The following KCNIP4 variants were observed in gnomAD, a reference collection of about 807,000 sequenced individuals.
KCNIP4 encodes the protein potassium voltage-gated channel interacting protein 4, also known as Kv channel-interacting protein 4.
KCNIP4 carries 12 observed loss-of-function variants against 34.0 expected under a neutral mutation model. That is an observed-to-expected ratio of 0.35 (90% CI 0.23 to 0.57). The LOEUF (loss-of-function observed/expected upper bound fraction) is 0.57, where lower values mean the gene tolerates loss of function less well. Among genes scored for constraint, KCNIP4 ranks in the 20% least tolerant of loss-of-function variants. The pLI is 0.83. For synonymous variants in KCNIP4, 124 were observed against 102.2 expected (o/e 1.21, Z -1.29); for missense variants, 238 against 311.7 (o/e 0.76, Z 1.78).
chr4:21,681,290 A>G (rs1465146763), intron 1 of KCNIP4, among the ~76,000 whole-genome samples: 1 of 147,212 alleles, frequency 6.8e-6, no homozygotes, highest in Non-Finnish European at 1.5e-5. Flanking sequence ...TTTTTTTTTT[A>G]AAGACAAGGC....
intron 1 of KCNIP4, among the ~76,000 whole-genome samples, chr4:21,394,125 A>G (rs1422820541): frequency 6.6e-6 from 1 of 152,216 alleles, no homozygotes; most frequent in South Asian, 2.1e-4. Flanking sequence ...AATGTTTCAG[A>G]TTCTTTCAAC....
chr4:21,914,127 T>C (rs1442393262), intron 1 of KCNIP4, among the ~76,000 whole-genome samples: 1 of 152,064 alleles, frequency 6.6e-6, no homozygotes, highest in Non-Finnish European at 1.5e-5. Flanking sequence ...TTCAAGCAGG[T>C]GAATAAATTA....
chr4:20,900,270 G>T (rs977262089), intron 1 of KCNIP4, among the ~76,000 whole-genome samples: 14 of 152,164 alleles, frequency 9.2e-5, no homozygotes, highest in Admixed American at 7.9e-4. Context: ...TATAAGTGCT[G>T]TCATATGTAA....
chr4:21,650,485 T>C (rs550174454), intron 1 of KCNIP4, among the ~76,000 whole-genome samples: 18 of 152,202 alleles, frequency 1.2e-4, no homozygotes, highest in Non-Finnish European at 2.4e-4. Flanking sequence ...TTTATGCCTC[T>C]AGCATAATTT....
chr4:21,279,299 T>C (rs1358814658), intron 1 of KCNIP4, among the ~76,000 whole-genome samples: 1 of 152,140 alleles, frequency 6.6e-6, no homozygotes, highest in African/African-American at 2.4e-5. Context: ...GTTTTCTTCT[T>C]GTGTATTTTT....
rs142022115 is a variant in KCNIP4 at position 20,848,708 on chromosome 4, T to C, written c.288+1835A>G. Among the ~76,000 whole-genome samples, 17 of 152,184 alleles carry C rather than the reference T, an allele frequency of 1.1e-4. No individual in the cohort carries two copies. In the East Asian group the frequency reaches 2.1e-3, roughly 19 times the overall value. The stretch of plus-strand genomic sequence containing the variant: ...CGGGGATGGCATTGGAATAATAACA[T>C]AGCAGCAGTCGAGGAATACAGGGAT... On this transcript the variant is annotated intron_variant, in intron 3 of 8. Coordinates refer to ENST00000382152, the MANE Select transcript of KCNIP4 (RefSeq NM_025221.6).
At chr4:21,218,261 C>T (rs923678569) in intron 1 of KCNIP4, among the ~76,000 whole-genome samples, 16 of 152,044 alleles carry the variant, frequency 1.1e-4, no homozygotes, top group East Asian at 1.9e-4. Flanking sequence ...GTGACCCACC[C>T]GCCTCGGCCT....
chr4:21,668,668 ACTTT>A (rs1355066944), intron 1 of KCNIP4, among the ~76,000 whole-genome samples: 1 of 152,088 alleles, frequency 6.6e-6, no homozygotes. Flanking sequence ...GAGAGCTAAA[ACTTT>A]CTTTGATAAT....
At chr4:21,652,166 T>C (rs1747541546) in intron 1 of KCNIP4, among the ~76,000 whole-genome samples, 1 of 152,178 alleles carries the variant, frequency 6.6e-6, no homozygotes, top group Non-Finnish European at 1.5e-5. Flanking sequence ...GATCTACCTT[T>C]TAGTGGACAA....
chr4:21,257,135 G>GC (rs1458537471), intron 1 of KCNIP4, among the ~76,000 whole-genome samples: 2 of 152,102 alleles, frequency 1.3e-5, no homozygotes, highest in African/African-American at 2.4e-5. Flanking sequence ...TGGTGCTTGA[G>GC]CACTTTCATT....
At chr4:20,835,106 C>T (rs1718879886) in intron 3 of KCNIP4, among the ~76,000 whole-genome samples, 1 of 152,176 alleles carries the variant, frequency 6.6e-6, no homozygotes, top group African/African-American at 2.4e-5. Flanking sequence ...ACAGTCACCT[C>T]TCTGTCCTTA....
intron 1 of KCNIP4, among the ~76,000 whole-genome samples, chr4:21,190,449 A>C (rs1577859676): frequency 9.0e-6 from 1 of 110,854 alleles, no homozygotes; most frequent in Non-Finnish European, 1.7e-5. Flanking sequence ...TGTGTGCCAC[A>C]CCTCCCTTAC....
chr4:21,305,010 C>T (rs1712290749), intron 1 of KCNIP4, among the ~76,000 whole-genome samples: 1 of 151,920 alleles, frequency 6.6e-6, no homozygotes. Flanking sequence ...GTTTTTGTCT[C>T]TCTCTTGCAC....
intron 1 of KCNIP4, among the ~76,000 whole-genome samples, chr4:21,204,205 A>G (rs939673832): frequency 6.6e-6 from 1 of 151,908 alleles, no homozygotes; most frequent in African/African-American, 2.4e-5. Context: ...TCTCTCTTTA[A>G]TGCATGTGCT....
intron 1 of KCNIP4, among the ~76,000 whole-genome samples, chr4:21,490,975 T>G (rs1024039380): frequency 2.0e-5 from 3 of 152,098 alleles, no homozygotes; most frequent in Non-Finnish European, 1.5e-5. Flanking sequence ...GAACAGCAGG[T>G]GCAAAGATCT....
In KCNIP4 at chr4:21,611,697, C is replaced by T. The variant is rs115592003; in HGVS notation, c.61+336874G>A. ...TTTCCTTTCATCATGGCAAGAGGTGCTTTAACTCTTCATTCTGTAATCCCA... is the reference window on the plus strand; with the variant it reads ...TTTCCTTTCATCATGGCAAGAGGTGTTTTAACTCTTCATTCTGTAATCCCA... On this transcript the variant is annotated intron_variant, in intron 1 of 8. Coordinates refer to ENST00000382152, the MANE Select transcript of KCNIP4 (RefSeq NM_025221.6). 1.6e-3 allele frequency among the ~76,000 whole-genome samples: 240 copies of T among 152,050 alleles called. 1 individual carries two copies. The highest frequency in any genetic ancestry group is 5.4e-3 in the African/African-American group (222 of 41,456).
At chr4:21,813,164 T>A (rs2109273918) in intron 1 of KCNIP4, among the ~76,000 whole-genome samples, 1 of 152,334 alleles carries the variant, frequency 6.6e-6, no homozygotes, top group Admixed American at 6.5e-5. Context: ...CTTTCATTTA[T>A]TTCTACTTTC....
rs573703595 is a variant in KCNIP4 at position 20,772,740 on chromosome 4, C to G, written c.289-13850G>C. Among the ~76,000 whole-genome samples the G allele has an allele frequency of 1.3e-3, 195 of 151,998 alleles. 4 individuals are homozygous for G. In the South Asian group the frequency reaches 0.039, roughly 30 times the overall value. On this transcript the variant is annotated intron_variant, in intron 3 of 8. Coordinates refer to ENST00000382152, the MANE Select transcript of KCNIP4 (RefSeq NM_025221.6). ...CACTGCAACCTCCATCTCCTAGGTT[C>G]AAGCGATTCTTCAGCCTCAGCCTCC... is the stretch of plus-strand genomic sequence containing the variant.
In KCNIP4 at chr4:21,654,300, A is replaced by G. The variant is rs1207101996; in HGVS notation, c.61+294271T>C. On this transcript the variant is annotated intron_variant, in intron 1 of 8. Coordinates refer to ENST00000382152, the MANE Select transcript of KCNIP4 (RefSeq NM_025221.6). The stretch of plus-strand genomic sequence containing the variant: ...CACTTGCTGACCATTTACTTTTGCA[A>G]TTGTTACTTAACTGCCTTAATCGTG... 2.6e-5 allele frequency among the ~76,000 whole-genome samples: 4 copies of G among 152,154 alleles called. 1 individual carries two copies. Among genetic ancestry groups the G allele is most frequent in the African/African-American group, 9.7e-5 (4 of 41,448 alleles).
Sources: allele counts gnomAD v4.1 joint callset (sites outside exome capture counted in the v4.1 genomes callset), GRCh38; gene constraint gnomAD v4.1.1; transcripts MANE v1.5; gene names NCBI Gene and HGNC (gene_info 2026-07-23, HGNC 2026-07-21).